The following STRN3 variants were observed in gnomAD, a reference collection of about 807,000 sequenced individuals.
STRN3 encodes striatin-3.
A neutral mutation model predicts 95.6 loss-of-function variants in STRN3; 29 were observed. That is an observed-to-expected ratio of 0.30 (90% confidence interval 0.23 to 0.41). The LOEUF is 0.41. Ranked by LOEUF, STRN3 falls within the 10% of genes least tolerant of loss-of-function variation. STRN3 has a pLI of 1.00. For synonymous variants in STRN3, 331 were observed against 357.6 expected (o/e 0.93, Z 0.84); for missense variants, 890 against 972.1 (o/e 0.92, Z 1.12).
chr14:30,931,606 G>C (rs557951052), intron 7 of STRN3, among the ~76,000 whole-genome samples: 1 of 152,266 alleles, frequency 6.6e-6, no homozygotes, highest in East Asian at 1.9e-4. Context: ...GTATTTTGTA[G>C]TTCTATAAAT....
intron 2 of STRN3, among the ~76,000 whole-genome samples, 169 bp from the exon 3 acceptor site, chr14:30,955,862 C>A (rs1879878006): frequency 6.6e-6 from 1 of 151,992 alleles, no homozygotes; most frequent in African/African-American, 2.4e-5. Flanking sequence ...GTAAGTTTCC[C>A]AAGTAACACA....
intron 1 of STRN3, among the ~76,000 whole-genome samples, chr14:30,967,341 A>C (rs1443916850): frequency 2.0e-5 from 3 of 152,096 alleles, no homozygotes; most frequent in East Asian, 3.9e-4. Flanking sequence ...AGTCAGAGAG[A>C]GAGAAAGAGA....
intron 1 of STRN3, among the ~76,000 whole-genome samples, chr14:30,973,445 A>G (rs986023115): frequency 3.9e-5 from 6 of 152,108 alleles, no homozygotes; most frequent in Non-Finnish European, 8.8e-5. Context: ...CTAAAATCAG[A>G]TATTAAAGTT....
chr14:30,952,139 T>A (rs916004153), intron 3 of STRN3, among the ~76,000 whole-genome samples: 5 of 151,510 alleles, frequency 3.3e-5, no homozygotes, highest in Non-Finnish European at 7.4e-5. Flanking sequence ...AAAAAGAGTT[T>A]AATAAACAGT....
Position 30,894,910 on chromosome 14 carries a change from A to G in STRN3, c.*501T>C. On this transcript the variant is annotated 3_prime_UTR_variant, in exon 18 of 18. Transcript: ENST00000357479. ...TTCTTTTTCTTTTTTTTTTTTTTTA[A>G]AGCAAAATAAGTTTAAAAGGGAATC... 9.3e-7 allele frequency: 1 copy of G among 1,071,940 alleles called. No homozygotes were observed. The highest frequency in any genetic ancestry group is 1.2e-6 in the Non-Finnish European group (1 of 835,664). The allele number at this position is 1,071,940 out of a possible 1,614,324, so 66.4% of individuals were successfully genotyped here.
intron 1 of STRN3, among the ~76,000 whole-genome samples, chr14:30,998,857 T>C (rs530709988): frequency 1.2e-4 from 18 of 152,156 alleles, no homozygotes; most frequent in Admixed American, 3.3e-4. Context: ...CCTGTAGTCT[T>C]GGCTACTCAG....
intron 1 of STRN3, among the ~76,000 whole-genome samples, chr14:31,020,064 C>G (rs1883432023): frequency 6.6e-6 from 1 of 152,108 alleles, no homozygotes; most frequent in East Asian, 1.9e-4. Flanking sequence ...TTTAGAACTT[C>G]TGCTAAATGC....
chr14:31,003,796 T>TTTAAAA (rs71112372), intron 1 of STRN3, among the ~76,000 whole-genome samples: 16 of 115,488 alleles, frequency 1.4e-4, no homozygotes, highest in Admixed American at 3.7e-4. Flanking sequence ...ACATCTTTCT[T>TTTAAAA]AAAAAAAAAA....
chr14:31,002,659 A>AG (rs1882521350), intron 1 of STRN3, among the ~76,000 whole-genome samples: 1 of 151,008 alleles, frequency 6.6e-6, no homozygotes. Flanking sequence ...AAAAAAAAAA[A>AG]GGAAATTCTG....
chr14:31,023,964 A>G (rs1883642515), intron 1 of STRN3, among the ~76,000 whole-genome samples: 1 of 152,172 alleles, frequency 6.6e-6, no homozygotes, highest in Non-Finnish European at 1.5e-5. Flanking sequence ...ATGGCTAATA[A>G]CAGTACTGTA....
intron 1 of STRN3, among the ~76,000 whole-genome samples, chr14:30,986,616 C>T (rs1594543591): frequency 6.6e-6 from 1 of 152,308 alleles, no homozygotes; most frequent in Middle Eastern, 3.4e-3. Flanking sequence ...TCATTTTATC[C>T]TACTATAGTG....
intron 1 of STRN3, among the ~76,000 whole-genome samples, chr14:31,013,861 A>ATTTTTT (rs199918149): frequency 1.7e-4 from 18 of 105,046 alleles, no homozygotes; most frequent in Admixed American, 6.9e-4. Context: ...TCTCAAAGCA[A>ATTTTTT]TTTTATTATT....
intron 1 of STRN3, among the ~76,000 whole-genome samples, chr14:31,015,973 T>C (rs901688861): frequency 6.6e-6 from 1 of 152,168 alleles, no homozygotes; most frequent in Non-Finnish European, 1.5e-5. Context: ...GCTTCAATAC[T>C]GTTTTTCATT....
In STRN3 at chr14:30,937,049, A is replaced by G. The variant is rs1299645838; in HGVS notation, c.717-425T>C. 2.0e-5 allele frequency among the ~76,000 whole-genome samples: 3 copies of G among 152,282 alleles called. No homozygotes were observed. The East Asian group carries it at 5.8e-4, about 29-fold the overall frequency. Reference sequence around the variant, plus strand: ...AAGTTTATCAGGCGGGGCCAGGGACAGTGCTTCATGCCTGTAATCCCAGCA... The same window carrying G: ...AAGTTTATCAGGCGGGGCCAGGGACGGTGCTTCATGCCTGTAATCCCAGCA... On this transcript the variant is annotated intron_variant, in intron 5 of 17. Transcript: ENST00000357479.
At chr14:30,948,659 G>A (rs1879487040) in intron 4 of STRN3, among the ~76,000 whole-genome samples, 1 of 152,142 alleles carries the variant, frequency 6.6e-6, no homozygotes, top group Non-Finnish European at 1.5e-5. Context: ...ATGTCAAAAT[G>A]GAAAACAGAC....
Position 30,918,953 on chromosome 14 carries a change from C to G in STRN3, c.1240+13G>C. On this transcript the variant is annotated intron_variant, in intron 9 of 17. Coordinates refer to ENST00000357479, the MANE Select transcript of STRN3 (RefSeq NM_001083893.2). The stretch of plus-strand genomic sequence containing the variant: ...TCTGAAATGTAAATAAACATGGTAG[C>G]TAAATTTTGTACCTTCCTCTGCTCT... The G allele has an allele frequency of 6.4e-7, 1 of 1,551,206 alleles. No individual in the cohort carries two copies. Among genetic ancestry groups the G allele is most frequent in the Non-Finnish European group, 8.7e-7 (1 of 1,145,404 alleles).
chr14:31,013,735 T>C (rs1038582075), intron 1 of STRN3, among the ~76,000 whole-genome samples: 4 of 151,254 alleles, frequency 2.6e-5, no homozygotes, highest in Non-Finnish European at 5.9e-5. Context: ...GGAATACAGG[T>C]GCATGTCACT....
At chr14:30,907,077 T>C (rs767097099) in intron 13 of STRN3, 33 bp from the exon 14 acceptor site, 1 of 1,592,070 alleles carries the variant, frequency 6.3e-7, no homozygotes, top group South Asian at 1.2e-5. Context: ...AAAAATTAGG[T>C]AAAAGAAGTT....
rs938705401 is a variant in STRN3, at chr14:31,005,413, A to G, written c.282+20491T>C. ...ATTATGTATTCATCTCACAATCAGT[A>G]AATGGCACCTTACATAAGGTAAACA... is the stretch of plus-strand genomic sequence containing the variant. On this transcript the variant is annotated intron_variant, in intron 1 of 17. Coordinates refer to ENST00000357479, the MANE Select transcript of STRN3 (RefSeq NM_001083893.2). 3.3e-5 allele frequency among the ~76,000 whole-genome samples: 5 copies of G among 152,370 alleles called. No homozygotes were observed. The South Asian group carries it at 6.2e-4, about 19-fold the overall frequency.
Sources: gnomAD v4.1 joint callset for allele counts (sites outside exome capture counted in the v4.1 genomes callset) on GRCh38, gnomAD v4.1.1 for gene constraint, MANE v1.5 for transcripts, NCBI Gene and HGNC (gene_info 2026-07-23, HGNC 2026-07-21) for gene names.